Variants in SLC17A9 observed in about 807,000 individuals in gnomAD.
SLC17A9 encodes the protein voltage-gated purine nucleotide uniporter SLC17A9.
SLC17A9 carries 49 observed loss-of-function variants against 55.0 expected under a neutral mutation model. That is an observed-to-expected ratio of 0.89 (90% CI 0.71 to 1.13). The LOEUF (loss-of-function observed/expected upper bound fraction) is 1.13. Among genes scored for constraint, SLC17A9 ranks in the 50% most tolerant of loss-of-function variants. SLC17A9 has a pLI of 0.00. For synonymous variants in SLC17A9, 256 were observed against 247.4 expected (o/e 1.03, Z -0.32); for missense variants, 526 against 569.3 (o/e 0.92, Z 0.77).
At chr20:62,960,744 G>A in intron 4 of SLC17A9, 141 bp downstream of exon 4, 1 of 744,594 alleles carries the variant, frequency 1.3e-6, no homozygotes. Context: ...CGCCTTTTGG[G>A]CTCTGTAGCC....
At chr20:62,957,892 C>G (rs1470201560) in intron 3 of SLC17A9, among the ~76,000 whole-genome samples, 3 of 150,682 alleles carry the variant, frequency 2.0e-5, no homozygotes, top group African/African-American at 4.9e-5. Context: ...TGCCCGCGTG[C>G]ATGCGTGCAC....
rs1049007291 is a variant in SLC17A9 at position 62,958,798 on chromosome 20, A to G, written c.397+1218A>G. Among the ~76,000 whole-genome samples, 7 of 152,180 alleles carry G rather than the reference A, an allele frequency of 4.6e-5. No homozygotes were observed. Among genetic ancestry groups the G allele is most frequent in the Admixed American group, 4.6e-4 (7 of 15,282 alleles). On this transcript the variant is annotated intron_variant, in intron 3 of 12. Transcript: ENST00000370351. The surrounding 1 kb of genome is among the most constrained non-coding windows in gnomAD (Gnocchi z 4.1). Reference sequence around the variant, plus strand: ...GAAGGTGCTGCCTGGGACTGTCTCCATAACAGAGGAAGGGGGTCTGCCCAG... The same window carrying G: ...GAAGGTGCTGCCTGGGACTGTCTCCGTAACAGAGGAAGGGGGTCTGCCCAG...
chr20:62,963,319 C>T lies in SLC17A9; in HGVS notation c.675C>T (p.Ser225=), dbSNP rs1412214598. ...TCCTGGCCCAAAGCCGGCCGGTGTC[C>T]AGGCACAACAGAGTCCCCTGGAGAC... ...LGVLAQSRPV[S]RHNRVPWRRL... is the part of the protein sequence containing the mutation. Residue 225 remains serine, a synonymous_variant, in exon 6 of 13, where the codon TCC becomes TCT. Transcript: ENST00000370351. The T allele has an allele frequency of 2.5e-6, 4 of 1,613,874 alleles. No individual in the cohort carries two copies. The African/African-American group carries it at 5.3e-5, about 21-fold the overall frequency.
rs375621407 is a variant in SLC17A9, at chr20:62,956,730, G to A, written c.60-35G>A. ...GAACTCGAAGCAGCAGGGCCGTGGG[G>A]CCTCCCCAGGGCCTGACCATCTCCT... On this transcript the variant is annotated intron_variant, in intron 1 of 12. Coordinates refer to ENST00000370351, the MANE Select transcript of SLC17A9 (RefSeq NM_022082.4). The A allele has an allele frequency of 4.5e-5, 71 of 1,589,138 alleles. 1 individual carries two copies. The highest frequency in any genetic ancestry group is 1.1e-4 in the South Asian group (10 of 89,020).
Position 62,962,822 on chromosome 20 carries a change from G to A in SLC17A9, c.628+68G>A. On this transcript the variant is annotated intron_variant, in intron 5 of 12. Coordinates refer to ENST00000370351, the MANE Select transcript of SLC17A9 (RefSeq NM_022082.4). This position sits in a 1 kb window ranked among gnomAD's most constrained non-coding sequence, Gnocchi z 5.5. ...CCCAGTGCCTCCTCCCCTGGTGGCA[G>A]CCGCTGAGCAGCCTGGAGCAGGAGC... 1 of 1,587,404 alleles carries A rather than the reference G, an allele frequency of 6.3e-7. No individual in the cohort carries two copies. The highest frequency in any genetic ancestry group is 8.6e-7 in the Non-Finnish European group (1 of 1,164,534).
intron 1 of SLC17A9, among the ~76,000 whole-genome samples, chr20:62,954,104 C>T (rs1024275769): frequency 5.9e-5 from 7 of 118,256 alleles, no homozygotes; most frequent in African/African-American, 1.0e-4. Context: ...CTCCCAGGCT[C>T]GATGTTTAAA....
At position 62,962,036 on chromosome 20, in the gene SLC17A9, G is replaced by A. The variant is rs1424198871; in HGVS notation, c.498-588G>A. ...TTAACTATTCCCCCTGGTGCCAGTGGAGGGGCCTCAGCAGCAGATGGGGGC... is the reference window on the plus strand; with the variant it reads ...TTAACTATTCCCCCTGGTGCCAGTGAAGGGGCCTCAGCAGCAGATGGGGGC... On this transcript the variant is annotated intron_variant, in intron 4 of 12. Coordinates refer to ENST00000370351, the MANE Select transcript of SLC17A9 (RefSeq NM_022082.4). The surrounding 1 kb of genome is among the most constrained non-coding windows in gnomAD (Gnocchi z 5.5). Among the ~76,000 whole-genome samples, 1 of 152,242 alleles carries A rather than the reference G, an allele frequency of 6.6e-6. No individual in the cohort carries two copies. The highest frequency in any genetic ancestry group is 1.5e-5 in the Non-Finnish European group (1 of 68,036).
Position 62,963,596 on chromosome 20 carries a change from C to T in SLC17A9, c.738C>T (p.Val246=). The change falls in exon 7 of 13, where the codon GTC becomes GTT. Residue 246 remains valine (V), a synonymous_variant. Transcript: ENST00000370351. ...FRKPAVWAAV[V]SQLSAACSFF... is the part of the protein sequence containing the mutation. ...TTGGGCCCCGCAGGGCAGCCGTCGT[C>T]TCCCAGCTCTCTGCAGCCTGCTCCT... 6.3e-7 allele frequency: 1 copy of T among 1,596,866 alleles called. No individual in the cohort carries two copies. The highest frequency in any genetic ancestry group is 8.5e-7 in the Non-Finnish European group (1 of 1,171,654).
chr20:62,963,847 A>G (rs1005932493), intron 7 of SLC17A9, 167 bp downstream of exon 7: 1 of 654,588 alleles, frequency 1.5e-6, no homozygotes. Context: ...GACCCCGTCC[A>G]TGCTCGGGGC....
intron 8 of SLC17A9, 139 bp downstream of exon 8, chr20:62,964,454 G>A (rs1260057816): frequency 1.7e-5 from 15 of 866,586 alleles, no homozygotes; most frequent in South Asian, 5.7e-5. Context: ...TTCCAGGCTC[G>A]GCCTCCTCCT....
Position 62,952,713 on chromosome 20 carries a change from G to T in SLC17A9, c.-118G>T, listed in dbSNP as rs933377890. 1.8e-6 allele frequency: 2 copies of T among 1,120,744 alleles called. No individual in the cohort carries two copies. Among genetic ancestry groups the T allele is most frequent in the Non-Finnish European group, 2.4e-6 (2 of 819,858 alleles). The allele number at this position is 1,120,744 out of a possible 1,614,324, so 69.4% of individuals were successfully genotyped here. A position where few individuals can be genotyped will look rare whatever the true frequency, so the allele number is the denominator to read the frequency against. On this transcript the variant is annotated 5_prime_UTR_variant, in exon 1 of 13. Coordinates refer to ENST00000370351, the MANE Select transcript of SLC17A9 (RefSeq NM_022082.4). The stretch of plus-strand genomic sequence containing the variant: ...GCGACAAGTCCTGAGAGAACCAGAC[G>T]GAAGCGCGCTGGGACTGACACGTGG...
At chr20:62,965,067 G>A in intron 8 of SLC17A9, 65 bp from the exon 9 acceptor site, 1 of 1,594,628 alleles carries the variant, frequency 6.3e-7, no homozygotes, top group South Asian at 1.1e-5. Flanking sequence ...TTCGGGATGG[G>A]ACCCCCTCTG....
At chr20:62,959,954 A>T (rs552197596) in intron 3 of SLC17A9, among the ~76,000 whole-genome samples, 1 of 152,238 alleles carries the variant, frequency 6.6e-6, no homozygotes. Flanking sequence ...GGCTGAGAAC[A>T]CTTGGTCCAA....
Position 62,968,932 on chromosome 20 carries a change from T to G in SLC17A9, c.*1432T>G, listed in dbSNP as rs914356373. On this transcript the variant is annotated 3_prime_UTR_variant, in exon 13 of 13. Coordinates refer to ENST00000370351, the MANE Select transcript of SLC17A9 (RefSeq NM_022082.4). Reference sequence around the variant, plus strand: ...GAAAGACAAAGTGGAGTTTTGCACTTGAGCACAAATGTTCCCCTACAATCT... The same window carrying G: ...GAAAGACAAAGTGGAGTTTTGCACTGGAGCACAAATGTTCCCCTACAATCT... 3 of 152,266 alleles carry G rather than the reference T, an allele frequency of 2.0e-5. No homozygotes were observed. The highest frequency in any genetic ancestry group is 7.2e-5 in the African/African-American group (3 of 41,454). The allele number at this position is 152,266 out of a possible 1,614,324, so 9.4% of individuals were successfully genotyped here. A position where few individuals can be genotyped will look rare whatever the true frequency, so the allele number is the denominator to read the frequency against.
chr20:62,966,839 T>C (rs2147662396), intron 12 of SLC17A9, 107 bp downstream of exon 12: 2 of 1,412,164 alleles, frequency 1.4e-6, no homozygotes, highest in Middle Eastern at 2.2e-4. Flanking sequence ...GGTCCGGGTG[T>C]CAGAGGAGGG....
chr20:62,953,869 C>T (rs1471529630), intron 1 of SLC17A9, among the ~76,000 whole-genome samples: 1 of 152,248 alleles, frequency 6.6e-6, no homozygotes, highest in Non-Finnish European at 1.5e-5. Context: ...AGATCACAGC[C>T]CTGTCAGGCG....
At chr20:62,954,683 G>C (rs867595788) in intron 1 of SLC17A9, among the ~76,000 whole-genome samples, 1 of 152,158 alleles carries the variant, frequency 6.6e-6, no homozygotes, top group Non-Finnish European at 1.5e-5. Flanking sequence ...TTGTCTCCCC[G>C]GCAGCTGTGG....
intron 1 of SLC17A9, among the ~76,000 whole-genome samples, chr20:62,955,711 G>A (rs1446723403): frequency 6.6e-6 from 1 of 152,230 alleles, no homozygotes; most frequent in African/African-American, 2.4e-5. Flanking sequence ...CGTGTGTTAA[G>A]TCAATGAAAA....
intron 3 of SLC17A9, among the ~76,000 whole-genome samples, 169 bp downstream of exon 3, chr20:62,957,749 T>C (rs2427458): frequency 0.7 from 89,720 of 128,292 alleles, 30,417 homozygotes; most frequent in African/African-American, 0.77. Flanking sequence ...TGTGCGTGTG[T>C]AAGTGTGTGT....
Sources: allele counts gnomAD v4.1 joint callset (sites outside exome capture counted in the v4.1 genomes callset), GRCh38; gene constraint gnomAD v4.1.1; non-coding constraint Gnocchi (gnomAD v3.1); transcripts MANE v1.5; gene names NCBI Gene and HGNC (gene_info 2026-07-23, HGNC 2026-07-21).